Variants in NELL1 observed in about 807,000 individuals in gnomAD.
NELL1 encodes the protein neural EGFL like 1, also known as protein kinase C-binding protein NELL1.
A neutral mutation model predicts 107.4 loss-of-function variants in NELL1; 76 were observed. The ratio of observed to expected loss-of-function variants is 0.71; its 90% confidence interval spans 0.59 to 0.86. The LOEUF (loss-of-function observed/expected upper bound fraction) is 0.86, where lower values mean the gene tolerates loss of function less well. NELL1 is among the 40% of genes least tolerant of loss of function. The pLI, the probability that NELL1 is intolerant of heterozygous loss-of-function variation, is 0.00. For synonymous variants in NELL1, 353 were observed against 341.2 expected, an observed-to-expected ratio of 1.03 and a Z score of -0.38; for missense variants, 1,024 against 1,005.5, an observed-to-expected ratio of 1.02 and a Z score of -0.25.
intron 3 of NELL1, among the ~76,000 whole-genome samples, chr11:20,810,822 C>T (rs1178859996): frequency 6.6e-6 from 1 of 151,902 alleles, no homozygotes; most frequent in Non-Finnish European, 1.5e-5. Flanking sequence ...TTACTAGTTT[C>T]CATTCCCACC....
intron 3 of NELL1, among the ~76,000 whole-genome samples, chr11:20,815,698 A>T (rs1360180744): frequency 1.3e-5 from 2 of 152,062 alleles, no homozygotes; most frequent in African/African-American, 4.8e-5. Flanking sequence ...TTACAATTGC[A>T]TTTGGGGTCT....
chr11:20,843,507 A>G (rs1848652949), intron 3 of NELL1, among the ~76,000 whole-genome samples: 1 of 130,060 alleles, frequency 7.7e-6, no homozygotes, highest in African/African-American at 2.6e-5. Context: ...AAGCCACCTA[A>G]TTCATCCAGC....
chr11:20,792,518 T>C (rs946940917), intron 3 of NELL1, among the ~76,000 whole-genome samples: 1 of 152,000 alleles, frequency 6.6e-6, no homozygotes, highest in African/African-American at 2.4e-5. Context: ...CTAGTCATCA[T>C]GTAAAGGAAA....
intron 15 of NELL1, among the ~76,000 whole-genome samples, chr11:21,412,348 G>A (rs553518785): frequency 2.0e-5 from 3 of 152,010 alleles, no homozygotes; most frequent in Admixed American, 6.6e-5. Flanking sequence ...TTAAATAATA[G>A]GAGCTATAAT....
intron 15 of NELL1, among the ~76,000 whole-genome samples, chr11:21,464,360 C>G (rs1043492505): frequency 2.7e-5 from 4 of 146,624 alleles, no homozygotes; most frequent in Non-Finnish European, 5.9e-5. Context: ...TTAGTACAAT[C>G]TACTTTTTAC....
intron 3 of NELL1, among the ~76,000 whole-genome samples, chr11:20,799,475 A>T (rs1303214291): frequency 1.3e-5 from 2 of 152,242 alleles, no homozygotes; most frequent in Non-Finnish European, 2.9e-5. Flanking sequence ...ATAAAACTAT[A>T]ACAATTACAT....
At chr11:20,755,534 GTTT>G (rs1364309032) in intron 2 of NELL1, among the ~76,000 whole-genome samples, 3 of 90,310 alleles carry the variant, frequency 3.3e-5, no homozygotes, top group South Asian at 3.3e-4. Context: ...ACCTGTGTGG[GTTT>G]TTGTTTTTTT....
chr11:21,313,047 C>G (rs1030277922), intron 14 of NELL1, among the ~76,000 whole-genome samples: 1 of 135,432 alleles, frequency 7.4e-6, no homozygotes, highest in Non-Finnish European at 1.6e-5. Flanking sequence ...CTGCACTCCC[C>G]GTCTCAAAAT....
intron 15 of NELL1, among the ~76,000 whole-genome samples, chr11:21,471,792 C>T (rs1472686301): frequency 6.6e-6 from 1 of 152,024 alleles, no homozygotes; most frequent in Non-Finnish European, 1.5e-5. Flanking sequence ...TATCAATTCA[C>T]TGAACAAATA....
intron 12 of NELL1, among the ~76,000 whole-genome samples, chr11:21,004,839 A>G (rs1475715440): frequency 6.6e-6 from 1 of 152,162 alleles, no homozygotes; most frequent in East Asian, 1.9e-4. Flanking sequence ...ATTATTAAAA[A>G]TAATTTTTTG....
chr11:21,137,837 T>C (rs1293007484), intron 13 of NELL1, among the ~76,000 whole-genome samples: 1 of 152,196 alleles, frequency 6.6e-6, no homozygotes, highest in Non-Finnish European at 1.5e-5. Flanking sequence ...AAGTTAAATA[T>C]ACTTGGAGAG....
chr11:20,943,092 G>A (rs1850890082), intron 10 of NELL1, among the ~76,000 whole-genome samples: 2 of 151,648 alleles, frequency 1.3e-5, no homozygotes, highest in African/African-American at 4.8e-5. Context: ...AGAAGTTGGG[G>A]CAGACAGATT....
At chr11:21,231,428 T>C (rs1858047037) in intron 14 of NELL1, among the ~76,000 whole-genome samples, 1 of 152,176 alleles carries the variant, frequency 6.6e-6, no homozygotes, top group Non-Finnish European at 1.5e-5. Context: ...AAACTAGTGC[T>C]CAGCTTTTTT....
chr11:21,063,254 C>T (rs1853786050), intron 12 of NELL1, among the ~76,000 whole-genome samples: 1 of 152,086 alleles, frequency 6.6e-6, no homozygotes, highest in Non-Finnish European at 1.5e-5. Context: ...TGGCTTCTTC[C>T]CCTGGAATCA....
intron 12 of NELL1, among the ~76,000 whole-genome samples, chr11:21,101,049 C>G (rs1854795514): frequency 6.7e-6 from 1 of 148,248 alleles, no homozygotes; most frequent in East Asian, 2.1e-4. Flanking sequence ...TCCATGTGTT[C>G]TCATTGTTCG....
At chr11:20,948,838 C>A (rs1212818701) in intron 11 of NELL1, among the ~76,000 whole-genome samples, 3 of 149,698 alleles carry the variant, frequency 2.0e-5, no homozygotes, top group Non-Finnish European at 4.4e-5. Flanking sequence ...ATAAATACTT[C>A]AGATTCTCAA....
chr11:20,967,235 G>A (rs958723059), intron 12 of NELL1, among the ~76,000 whole-genome samples: 3 of 152,026 alleles, frequency 2.0e-5, no homozygotes, highest in Admixed American at 2.0e-4. Flanking sequence ...ATGAACTTCT[G>A]TGGAAACAAG....
chr11:20,957,810 T>C (rs1851208248), intron 11 of NELL1, among the ~76,000 whole-genome samples: 1 of 151,850 alleles, frequency 6.6e-6, no homozygotes, highest in Admixed American at 6.6e-5. Flanking sequence ...CAAGACAGAA[T>C]TAATAAACTG....
At chr11:20,739,993 A>C (rs1167237936) in intron 2 of NELL1, among the ~76,000 whole-genome samples, 1 of 152,222 alleles carries the variant, frequency 6.6e-6, no homozygotes, top group Non-Finnish European at 1.5e-5. Flanking sequence ...ATATTTATTG[A>C]GTCACTGCCA....
Sources: gnomAD v4.1 joint callset for allele counts (sites outside exome capture counted in the v4.1 genomes callset) on GRCh38, gnomAD v4.1.1 for gene constraint, MANE v1.5 for transcripts, NCBI Gene and HGNC (gene_info 2026-07-23, HGNC 2026-07-21) for gene names.